The following RTN1 variants were observed in gnomAD, a reference collection of about 807,000 sequenced individuals.
The protein encoded by RTN1 is reticulon 1.
Under a neutral mutation model 65.5 loss-of-function variants are expected in RTN1, and 25 were observed. The ratio of observed to expected loss-of-function variants is 0.38; its 90% CI spans 0.28 to 0.53. RTN1 has a LOEUF of 0.53. RTN1 is among the 20% of genes least tolerant of loss of function. The pLI, the probability that RTN1 is intolerant of heterozygous loss-of-function variation, is 0.79. For synonymous variants in RTN1, 471 were observed against 447.6 expected, an observed-to-expected ratio of 1.05 and a Z score of -0.66; for missense variants, 983 against 1,025.4, an observed-to-expected ratio of 0.96 and a Z score of 0.57.
At chr14:59,835,042 C>T (rs571091871) in intron 1 of RTN1, among the ~76,000 whole-genome samples, 1 of 152,316 alleles carries the variant, frequency 6.6e-6, no homozygotes, top group Admixed American at 6.5e-5. Context: ...AATACAAACA[C>T]TGGTACATAA....
chr14:59,799,284 C>G (rs925696753), intron 1 of RTN1, among the ~76,000 whole-genome samples: 1 of 152,216 alleles, frequency 6.6e-6, no homozygotes, highest in African/African-American at 2.4e-5. Flanking sequence ...TCATCAAATT[C>G]CACTCATCAC....
At chr14:59,724,921 G>C (rs1164007019) in intron 3 of RTN1, among the ~76,000 whole-genome samples, 2 of 152,292 alleles carry the variant, frequency 1.3e-5, no homozygotes, top group South Asian at 2.1e-4. Context: ...GTGCAGTGGA[G>C]CAGTGAGTTT....
At chr14:59,821,656 T>C (rs1440926747) in intron 1 of RTN1, among the ~76,000 whole-genome samples, 2 of 152,234 alleles carry the variant, frequency 1.3e-5, no homozygotes, top group Non-Finnish European at 2.9e-5. Flanking sequence ...AGGTTTGTCA[T>C]AGATGGCTCT....
intron 1 of RTN1, among the ~76,000 whole-genome samples, chr14:59,838,628 A>G (rs186745486): frequency 4.8e-4 from 73 of 152,324 alleles, no homozygotes; most frequent in African/African-American, 1.7e-3. Context: ...TACACAGAAG[A>G]TGATCCCAAA....
Position 59,727,450 on chromosome 14 carries a change from C to G in RTN1, c.1234G>C (p.Glu412Gln). Reference protein sequence around the residue: ...EASSAESGDSEIELVSEDPMA... With the variant: ...EASSAESGDSQIELVSEDPMA... ...GGGTCCTCGGACACCAGCTCGATCT[C>G]TGAGTCCCCCGACTCCGCGCTGCTG... Residue 412 changes from glutamate to glutamine, a missense_variant, in exon 3 of 9, where the codon GAG becomes CAG. This residue lies in a region of RTN1 where 818 missense variants were observed against 801.8 expected (regional missense o/e 1.02). Transcript: ENST00000267484. This position sits in a 1 kb window ranked among gnomAD's most constrained non-coding sequence, Gnocchi z 4.2. 6.4e-7 allele frequency: 1 copy of G among 1,558,452 alleles called. No individual in the cohort carries two copies. The highest frequency in any genetic ancestry group is 8.7e-7 in the Non-Finnish European group (1 of 1,151,928).
At chr14:59,758,224 C>G (rs150588222) in intron 1 of RTN1, among the ~76,000 whole-genome samples, 2 of 152,262 alleles carry the variant, frequency 1.3e-5, no homozygotes, top group African/African-American at 4.8e-5. Flanking sequence ...TGCTTGTTTC[C>G]TAAGTGTTCT....
chr14:59,749,117 TATATATAG>T (rs1566710802), intron 1 of RTN1, among the ~76,000 whole-genome samples: 7 of 46,716 alleles, frequency 1.5e-4, no homozygotes, highest in Non-Finnish European at 2.0e-4. Context: ...TATATATATA[TATATATAG>T]ATATATCTAT....
At chr14:59,713,138 C>G (rs1185660491) in intron 3 of RTN1, among the ~76,000 whole-genome samples, 1 of 152,080 alleles carries the variant, frequency 6.6e-6, no homozygotes, top group African/African-American at 2.4e-5. Context: ...TGTCCAGAGT[C>G]ACATAGCTAG....
intron 3 of RTN1, among the ~76,000 whole-genome samples, chr14:59,723,821 A>G (rs954282560): frequency 6.6e-6 from 1 of 152,172 alleles, no homozygotes; most frequent in Admixed American, 6.5e-5. Flanking sequence ...GAGTTGCATG[A>G]TAAGTAATCA....
intron 2 of RTN1, among the ~76,000 whole-genome samples, chr14:59,743,057 T>C (rs1885144809): frequency 6.6e-6 from 1 of 152,162 alleles, no homozygotes; most frequent in Admixed American, 6.5e-5. Context: ...TAATGGGCCA[T>C]TTTCTCTTTC....
chr14:59,645,358 G>A (rs1882868039), intron 3 of RTN1, among the ~76,000 whole-genome samples: 1 of 151,838 alleles, frequency 6.6e-6, no homozygotes, highest in African/African-American at 2.4e-5. Flanking sequence ...TGGAAAAGTG[G>A]CCAGACTTTT....
intron 1 of RTN1, among the ~76,000 whole-genome samples, chr14:59,833,748 G>C (rs1204867906): frequency 6.6e-6 from 1 of 152,052 alleles, no homozygotes; most frequent in African/African-American, 2.4e-5. Flanking sequence ...ACTAATTTTA[G>C]AGAATATGCA....
chr14:59,798,459 G>T (rs529619308), intron 1 of RTN1, among the ~76,000 whole-genome samples: 2 of 152,266 alleles, frequency 1.3e-5, no homozygotes, highest in East Asian at 3.9e-4. Context: ...TAAAATCAAG[G>T]GGTTAGTAGC....
chr14:59,695,530 A>T (rs1450291726), intron 3 of RTN1, among the ~76,000 whole-genome samples: 2 of 152,178 alleles, frequency 1.3e-5, no homozygotes, highest in African/African-American at 4.8e-5. Flanking sequence ...AAACGAAAAC[A>T]TGCATGGAGC....
At chr14:59,715,138 G>A (rs10151510) in intron 3 of RTN1, among the ~76,000 whole-genome samples, 60,532 of 151,936 alleles carry the variant, frequency 0.4, 12,451 homozygotes, top group Admixed American at 0.5. Flanking sequence ...TAAACTACAG[G>A]GGCAAATATA....
chr14:59,630,678 T>C (rs887884468), intron 3 of RTN1: 1 of 1,186,810 alleles, frequency 8.4e-7, no homozygotes, highest in Non-Finnish European at 1.0e-6. Context: ...GGCGCCGCAG[T>C]CTGCGCGGCC....
chr14:59,606,100 C>T (rs917091007), intron 4 of RTN1: 2 of 61,514 alleles, frequency 3.3e-5, no homozygotes, highest in Non-Finnish European at 5.3e-5. Context: ...GTGGGAAAAA[C>T]ATGATATATA....
chr14:59,738,727 A>T (rs1359691287), intron 2 of RTN1, among the ~76,000 whole-genome samples: 1 of 152,224 alleles, frequency 6.6e-6, no homozygotes, highest in Non-Finnish European at 1.5e-5. Context: ...CACTATTTAC[A>T]ATAGCGAAGA....
At chr14:59,637,026 T>C (rs908502780) in intron 3 of RTN1, among the ~76,000 whole-genome samples, 3 of 152,206 alleles carry the variant, frequency 2.0e-5, no homozygotes, top group Admixed American at 6.5e-5. Flanking sequence ...GTTTGCCACA[T>C]TGATTGATTC....
Sources: gnomAD v4.1 joint callset for allele counts (sites outside exome capture counted in the v4.1 genomes callset) on GRCh38, gnomAD v4.1.1 for gene constraint, gnomAD v4.1.1 regional missense constraint, Gnocchi (gnomAD v3.1) non-coding constraint, MANE v1.5 for transcripts, NCBI Gene and HGNC (gene_info 2026-07-23, HGNC 2026-07-21) for gene names.